The following DSCAML1 variants were observed in gnomAD, a reference collection of about 807,000 sequenced individuals.
The protein encoded by DSCAML1 is cell adhesion molecule DSCAML1.
DSCAML1 carries 38 observed loss-of-function variants against 200.5 expected under a neutral mutation model. That is an observed-to-expected ratio of 0.19 (90% CI 0.15 to 0.25). The LOEUF (loss-of-function observed/expected upper bound fraction) is 0.25, where lower values mean the gene tolerates loss of function less well. DSCAML1 is among the 10% of genes least tolerant of loss of function. DSCAML1 has a pLI of 1.00. For synonymous variants in DSCAML1, 1,215 were observed against 1,165.0 expected, an observed-to-expected ratio of 1.04 and a Z score of -0.87; for missense variants, 2,223 against 2,858.8, an observed-to-expected ratio of 0.78 and a Z score of 5.07.
chr11:117,626,205 C>T (rs974713038), intron 3 of DSCAML1, among the ~76,000 whole-genome samples: 1 of 86,276 alleles, frequency 1.2e-5, no homozygotes, highest in Non-Finnish European at 2.6e-5. Context: ...TGAGACCCCC[C>T]CCCCTCCTTC....
chr11:117,795,450 G>A (rs1191701680), intron 1 of DSCAML1, among the ~76,000 whole-genome samples: 1 of 152,128 alleles, frequency 6.6e-6, no homozygotes, highest in East Asian at 1.9e-4. Context: ...AGGGAGACTG[G>A]GGTTCGGGGG....
rs143692096 is a variant in DSCAML1 at position 117,589,728 on chromosome 11, C to T, written c.512-57206G>A. On this transcript the variant is annotated intron_variant, in intron 3 of 32. Transcript: ENST00000651296. Reference sequence around the variant, plus strand: ...ACATGAGGTACGGAAAGCTTTCAAACGGGGAAGTTCTTAGTGTACCTTAAA... The same window carrying T: ...ACATGAGGTACGGAAAGCTTTCAAATGGGGAAGTTCTTAGTGTACCTTAAA... Among the ~76,000 whole-genome samples, 539 of 152,282 alleles carry T rather than the reference C, an allele frequency of 3.5e-3. 3 individuals are homozygous for T. The highest frequency in any genetic ancestry group is 0.012 in the African/African-American group (517 of 41,554).
intron 3 of DSCAML1, among the ~76,000 whole-genome samples, chr11:117,625,141 T>G (rs1474454115): frequency 6.6e-6 from 1 of 151,644 alleles, no homozygotes; most frequent in Non-Finnish European, 1.5e-5. Flanking sequence ...AGTCTCTACC[T>G]CTCCCACCCC....
intron 2 of DSCAML1, among the ~76,000 whole-genome samples, chr11:117,779,788 G>A (rs1461519840): frequency 1.3e-5 from 2 of 152,222 alleles, no homozygotes; most frequent in African/African-American, 4.8e-5. Context: ...AAAGAAGCTT[G>A]AGGAACGCTT....
chr11:117,685,287 C>T (rs1289248305), intron 3 of DSCAML1, among the ~76,000 whole-genome samples: 2 of 152,208 alleles, frequency 1.3e-5, no homozygotes, highest in South Asian at 2.1e-4. Flanking sequence ...TCCAAGGTCA[C>T]ACAGAAAATT....
At chr11:117,571,732 G>C (rs982615167) in intron 3 of DSCAML1, among the ~76,000 whole-genome samples, 3 of 152,178 alleles carry the variant, frequency 2.0e-5, no homozygotes, top group African/African-American at 7.2e-5. Flanking sequence ...TCTTGAATAG[G>C]GGCTGGGTAA....
rs1209549802 is a variant in DSCAML1, at chr11:117,812,007, T to TA, written c.-250+5382dup. On this transcript the variant is annotated intron_variant, in intron 1 of 2. Transcript: ENST00000525836. Reference sequence around the variant, plus strand: ...ACTCTTTTATGCACTCTTTTTTAGTTATCTCCACCTGCCCAGTTCCCTTAT... The same window carrying TA: ...ACTCTTTTATGCACTCTTTTTTAGTTAATCTCCACCTGCCCAGTTCCCTTAT... Among the ~76,000 whole-genome samples, 30 of 152,210 alleles carry TA rather than the reference T, an allele frequency of 2.0e-4. 2 individuals carry two copies. The highest frequency in any genetic ancestry group is 1.5e-5 in the Non-Finnish European group (1 of 68,044).
At chr11:117,600,917 A>G (rs527568145) in intron 3 of DSCAML1, among the ~76,000 whole-genome samples, 1 of 152,302 alleles carries the variant, frequency 6.6e-6, no homozygotes, top group Non-Finnish European at 1.5e-5. Flanking sequence ...CACAGACCCA[A>G]CTGTGCTTGG....
intron 3 of DSCAML1, among the ~76,000 whole-genome samples, chr11:117,605,770 G>A (rs1490382419): frequency 1.3e-5 from 2 of 152,154 alleles, no homozygotes; most frequent in African/African-American, 2.4e-5. Context: ...TAGAGAACTC[G>A]CTGGAGCCAG....
At chr11:117,746,093 G>A (rs1213625576) in intron 3 of DSCAML1, among the ~76,000 whole-genome samples, 1 of 151,368 alleles carries the variant, frequency 6.6e-6, no homozygotes, top group Non-Finnish European at 1.5e-5. Flanking sequence ...GTGGTGGCGG[G>A]AGCCTGTAGT....
At chr11:117,571,628 T>G (rs960005511) in intron 3 of DSCAML1, among the ~76,000 whole-genome samples, 4 of 152,172 alleles carry the variant, frequency 2.6e-5, no homozygotes, top group South Asian at 2.1e-4. Flanking sequence ...GAAGAGTGGA[T>G]GCAGATGAAG....
chr11:117,647,183 A>G (rs755114975), intron 3 of DSCAML1, among the ~76,000 whole-genome samples: 2 of 152,234 alleles, frequency 1.3e-5, no homozygotes, highest in Non-Finnish European at 2.9e-5. Context: ...CAAGAGTCCA[A>G]GTGACCTCTC....
At chr11:117,726,036 G>C (rs894809086) in intron 3 of DSCAML1, among the ~76,000 whole-genome samples, 1 of 152,118 alleles carries the variant, frequency 6.6e-6, no homozygotes, top group Non-Finnish European at 1.5e-5. Context: ...AGGCAGCCAG[G>C]CTGGCCATCC....
intron 3 of DSCAML1, among the ~76,000 whole-genome samples, chr11:117,655,588 A>T (rs1312549548): frequency 2.0e-5 from 3 of 152,202 alleles, no homozygotes; most frequent in African/African-American, 7.2e-5. Context: ...GCCTTCCATC[A>T]GGAGCTCCCC....
intron 3 of DSCAML1, among the ~76,000 whole-genome samples, chr11:117,587,257 C>CCA (rs1555187495): frequency 5.5e-5 from 6 of 109,148 alleles, no homozygotes; most frequent in East Asian, 2.2e-4. Flanking sequence ...TTTCCAACCC[C>CCA]CCCCCACGAT....
At chr11:117,764,442 C>T (rs1485092452) in intron 3 of DSCAML1, among the ~76,000 whole-genome samples, 1 of 152,160 alleles carries the variant, frequency 6.6e-6, no homozygotes, top group East Asian at 1.9e-4. Context: ...CTCCAAATCC[C>T]TTGAGATCCT....
At chr11:117,663,588 G>T (rs2052909271) in intron 3 of DSCAML1, among the ~76,000 whole-genome samples, 1 of 152,060 alleles carries the variant, frequency 6.6e-6, no homozygotes, top group Non-Finnish European at 1.5e-5. Flanking sequence ...CTTCCAGGAG[G>T]CTCTCTCTCA....
intron 3 of DSCAML1, among the ~76,000 whole-genome samples, chr11:117,671,873 A>G (rs939856423): frequency 6.6e-6 from 1 of 152,206 alleles, no homozygotes. Context: ...GCACTTTGGG[A>G]GGCCGAGGCG....
chr11:117,470,326 A>G (rs1234353268), intron 15 of DSCAML1, among the ~76,000 whole-genome samples: 1 of 152,252 alleles, frequency 6.6e-6, no homozygotes, highest in African/African-American at 2.4e-5. Context: ...CTGTAATCCC[A>G]GCACTTTGGG....
Sources: gnomAD v4.1 joint callset for allele counts (sites outside exome capture counted in the v4.1 genomes callset) on GRCh38, gnomAD v4.1.1 for gene constraint, MANE v1.5 for transcripts, NCBI Gene and HGNC (gene_info 2026-07-23, HGNC 2026-07-21) for gene names.